Variants in SLC12A8 observed in about 807,000 individuals in gnomAD.
The protein encoded by SLC12A8 is cation-chloride cotransporter 9.
In SLC12A8, 69 loss-of-function variants were observed where a neutral mutation model predicts 75.6. That is an observed-to-expected ratio of 0.91 (90% CI 0.75 to 1.11). The LOEUF is 1.11. Among genes scored for constraint, SLC12A8 ranks in the 50% most tolerant of loss-of-function variants. The pLI is 0.00. For synonymous variants in SLC12A8, 365 were observed against 372.8 expected (o/e 0.98, Z 0.24); for missense variants, 877 against 896.7 (o/e 0.98, Z 0.28).
chr3:125,204,039 A>G (rs1935179888), intron 2 of SLC12A8, among the ~76,000 whole-genome samples: 1 of 152,214 alleles, frequency 6.6e-6, no homozygotes, highest in South Asian at 2.1e-4. Flanking sequence ...ATGAGATACC[A>G]CCTCACACCT....
At chr3:125,107,386 A>G in intron 10 of SLC12A8, 95 bp downstream of exon 10, 1 of 1,154,834 alleles carries the variant, frequency 8.7e-7, no homozygotes, top group African/African-American at 1.5e-5. Flanking sequence ...AAGGATTTTA[A>G]ACCCAGTTAT....
At chr3:125,186,051 G>T (rs1297222213) in intron 4 of SLC12A8, among the ~76,000 whole-genome samples, 3 of 152,132 alleles carry the variant, frequency 2.0e-5, no homozygotes, top group Admixed American at 1.3e-4. Context: ...GCCCATCCAT[G>T]GCATCTGCCT....
In SLC12A8 at chr3:125,091,514, A is replaced by G. The variant is rs1327680558; in HGVS notation, c.1846T>C (p.Tyr616His). Reference sequence around the variant, plus strand: ...GCAACACCCATGTTAACCAGGGTATACACCCACTGTATCACAAACATGATG... The same window carrying G: ...GCAACACCCATGTTAACCAGGGTATGCACCCACTGTATCACAAACATGATG... Reference protein sequence around the residue: ...LLIMFVIQWVYTLVNMGVAAI... With the variant: ...LLIMFVIQWVHTLVNMGVAAI... Residue 616 changes from tyrosine to histidine, a missense_variant, in exon 12 of 14, where the codon TAT becomes CAT. Physicochemically the swap from Tyr to His is moderately conservative, Grantham distance 83 (BLOSUM62 2). Transcript: ENST00000469902. The G allele has an allele frequency of 1.2e-6, 2 of 1,614,004 alleles. No individual in the cohort carries two copies. Among genetic ancestry groups the G allele is most frequent in the Admixed American group, 1.7e-5 (1 of 60,000 alleles).
At chr3:125,152,423 G>T (rs1451489218) in intron 5 of SLC12A8, among the ~76,000 whole-genome samples, 2 of 152,126 alleles carry the variant, frequency 1.3e-5, no homozygotes, top group African/African-American at 2.4e-5. Flanking sequence ...ATTTACTTTA[G>T]AATGCTTTTC....
At chr3:125,088,449 T>C in intron 12 of SLC12A8, 79 bp from the exon 13 acceptor site, 11 of 1,188,646 alleles carry the variant, frequency 9.3e-6, no homozygotes, top group Non-Finnish European at 1.3e-5. Context: ...ATAGGGTGAA[T>C]GCAAACCCCA....
chr3:125,098,554 C>CCACACACACACACACACA (rs3222429), intron 10 of SLC12A8, among the ~76,000 whole-genome samples: 8 of 143,920 alleles, frequency 5.6e-5, no homozygotes, highest in African/African-American at 1.8e-4. Context: ...TGAATCTTCT[C>CCACACACACACACACACA]CACACACACA....
At chr3:125,157,257 A>ATACAAGGCATACATATGCCTTGC in intron 5 of SLC12A8, among the ~76,000 whole-genome samples, 2 of 152,332 alleles carry the variant, frequency 1.3e-5, no homozygotes, top group African/African-American at 4.8e-5. Context: ...CACATATATG[A>ATACAAGGCATACATATGCCTTGC]ATACAAATAT....
At chr3:125,131,123 C>T (rs1933346084) in intron 6 of SLC12A8, among the ~76,000 whole-genome samples, 1 of 152,166 alleles carries the variant, frequency 6.6e-6, no homozygotes, top group South Asian at 2.1e-4. Flanking sequence ...CTGTTTTTCC[C>T]TTTTCCTTTT....
At chr3:125,134,956 C>A (rs543886402) in intron 6 of SLC12A8, among the ~76,000 whole-genome samples, 1 of 152,318 alleles carries the variant, frequency 6.6e-6, no homozygotes, top group South Asian at 2.1e-4. Flanking sequence ...TGGGGACAAG[C>A]CCAGTCACTA....
At chr3:125,158,221 T>C (rs1934091396) in intron 5 of SLC12A8, among the ~76,000 whole-genome samples, 1 of 146,874 alleles carries the variant, frequency 6.8e-6, no homozygotes, top group Admixed American at 6.8e-5. Flanking sequence ...TAGCTTTTCC[T>C]TTTTTTTTTT....
At chr3:125,183,826 T>C (rs1008861468) in intron 4 of SLC12A8, among the ~76,000 whole-genome samples, 2 of 151,984 alleles carry the variant, frequency 1.3e-5, no homozygotes, top group African/African-American at 4.8e-5. Context: ...GGGGAGTCTG[T>C]AGTCCATCGT....
At chr3:125,091,620 A>G in intron 11 of SLC12A8, 64 bp from the exon 12 acceptor site, 2 of 1,041,156 alleles carry the variant, frequency 1.9e-6, no homozygotes, top group Non-Finnish European at 1.5e-6. Flanking sequence ...GCAAGCCACA[A>G]GGCTAATGTC....
chr3:125,155,738 G>A (rs556581365), intron 5 of SLC12A8, among the ~76,000 whole-genome samples: 12 of 131,616 alleles, frequency 9.1e-5, no homozygotes, highest in East Asian at 6.8e-4. Context: ...GTGACACAGC[G>A]AGACTCTGTC....
chr3:125,092,036 G>T, intron 11 of SLC12A8, 65 bp downstream of exon 11: 1 of 1,164,602 alleles, frequency 8.6e-7, no homozygotes, highest in Non-Finnish European at 1.3e-6. Flanking sequence ...CACAGCCCAA[G>T]ATCACACATG....
intron 4 of SLC12A8, among the ~76,000 whole-genome samples, chr3:125,185,576 C>CA (rs1440547055): frequency 6.6e-6 from 1 of 152,028 alleles, no homozygotes; most frequent in Non-Finnish European, 1.5e-5. Flanking sequence ...CAAACTCCTC[C>CA]AAAAAATAGA....
intron 6 of SLC12A8, among the ~76,000 whole-genome samples, chr3:125,128,842 A>AG (rs541546715): frequency 6.6e-6 from 1 of 151,966 alleles, no homozygotes; most frequent in African/African-American, 2.4e-5. Context: ...GACGCCTAGG[A>AG]GGGGGGAATG....
chr3:125,182,394 T>C (rs985237711), intron 4 of SLC12A8, among the ~76,000 whole-genome samples: 10 of 152,242 alleles, frequency 6.6e-5, no homozygotes, highest in African/African-American at 2.2e-4. Context: ...ATTTATACTA[T>C]ACGATATTAA....
At chr3:125,132,545 A>G (rs913817825) in intron 6 of SLC12A8, among the ~76,000 whole-genome samples, 1 of 152,228 alleles carries the variant, frequency 6.6e-6, no homozygotes, top group African/African-American at 2.4e-5. Context: ...GATCACTGGC[A>G]TAAGCATTTG....
Position 125,083,736 on chromosome 3 carries a change from A to AGG in SLC12A8, c.*152_*153dup. The AGG allele has an allele frequency of 2.7e-6, 2 of 744,696 alleles. No homozygotes were observed. Among genetic ancestry groups the AGG allele is most frequent in the African/African-American group, 3.7e-5 (2 of 53,522 alleles). The allele number at this position is 744,696 out of a possible 1,614,324, so 46.1% of individuals were successfully genotyped here. ...GACTCTGTCTCAAAAAAAAAAAAAA[A>AGG]GGGAAAAGAAAATGTAGATTTCCAT... On this transcript the variant is annotated 3_prime_UTR_variant, in exon 14 of 14. Transcript: ENST00000469902.
Sources: gnomAD v4.1 joint callset for allele counts (sites outside exome capture counted in the v4.1 genomes callset) on GRCh38, gnomAD v4.1.1 for gene constraint, MANE v1.5 for transcripts, NCBI Gene and HGNC (gene_info 2026-07-23, HGNC 2026-07-21) for gene names.